BICRAL: variants seen among roughly 807,000 people sequenced by gnomAD.
The protein encoded by BICRAL is BRD4-interacting chromatin-remodeling complex-associated protein-like.
BICRAL carries 8 observed loss-of-function variants against 91.8 expected under a neutral mutation model. The ratio of observed to expected loss-of-function variants is 0.09; its 90% CI spans 0.05 to 0.16. The LOEUF (loss-of-function observed/expected upper bound fraction) is 0.16, where lower values mean the gene tolerates loss of function less well. Among genes scored for constraint, BICRAL ranks in the 10% least tolerant of loss-of-function variants. The pLI is 1.00. For missense variants in BICRAL, 1,038 were observed against 1,310.9 expected, an observed-to-expected ratio of 0.79 and a Z score of 3.21; for synonymous variants, 445 against 491.1, an observed-to-expected ratio of 0.91 and a Z score of 1.24.
intron 6 of BICRAL, among the ~76,000 whole-genome samples, chr6:42,841,649 G>A (rs1317160136): frequency 6.6e-6 from 1 of 152,026 alleles, no homozygotes; most frequent in Admixed American, 6.6e-5. Flanking sequence ...CTCCTTCTAT[G>A]CCTTTAATGA....
chr6:42,806,918 C>T (rs1246169301), intron 1 of BICRAL, among the ~76,000 whole-genome samples: 4 of 152,142 alleles, frequency 2.6e-5, no homozygotes, highest in Admixed American at 2.0e-4. Flanking sequence ...GCAACCTCTG[C>T]CTCCTAGGTT....
chr6:42,768,637 A>AC (rs1486552899), intron 1 of BICRAL, among the ~76,000 whole-genome samples: 4 of 152,228 alleles, frequency 2.6e-5, no homozygotes, highest in Admixed American at 2.0e-4. Context: ...GGGGACTCAG[A>AC]TATCAATCAG....
chr6:42,816,753 G>A (rs554544968), intron 2 of BICRAL, among the ~76,000 whole-genome samples: 11 of 152,184 alleles, frequency 7.2e-5, no homozygotes, highest in Non-Finnish European at 1.5e-4. Flanking sequence ...GGTGGCTCAC[G>A]CCTGTAATCC....
At chr6:42,833,181 G>A (rs1232618350) in intron 6 of BICRAL, among the ~76,000 whole-genome samples, 2 of 150,442 alleles carry the variant, frequency 1.3e-5, no homozygotes, top group Admixed American at 6.7e-5. Flanking sequence ...TCAGCCTCCC[G>A]AGTAGCTGGG....
chr6:42,759,023 C>T (rs571542719), intron 1 of BICRAL, among the ~76,000 whole-genome samples: 1 of 152,212 alleles, frequency 6.6e-6, no homozygotes, highest in Non-Finnish European at 1.5e-5. Context: ...ATTGATATCT[C>T]GTGGAGGCTT....
intron 6 of BICRAL, among the ~76,000 whole-genome samples, chr6:42,843,675 A>G (rs1348848234): frequency 6.6e-6 from 1 of 152,156 alleles, no homozygotes; most frequent in African/African-American, 2.4e-5. Context: ...TACTGAGTTT[A>G]GGGTATGTTC....
chr6:42,847,100 AT>A (rs1765034648), intron 6 of BICRAL, among the ~76,000 whole-genome samples: 1 of 152,162 alleles, frequency 6.6e-6, no homozygotes. Context: ...AAATAGAAAC[AT>A]TAGCCAGGTA....
At chr6:42,755,809 A>G (rs1478505332) in intron 1 of BICRAL, among the ~76,000 whole-genome samples, 1 of 151,752 alleles carries the variant, frequency 6.6e-6, no homozygotes, top group Non-Finnish European at 1.5e-5. Context: ...AGCTGGGATT[A>G]CAGGCGCACG....
chr6:42,753,677 C>T (rs1306432294), intron 1 of BICRAL, among the ~76,000 whole-genome samples: 2 of 151,838 alleles, frequency 1.3e-5, no homozygotes, highest in African/African-American at 2.4e-5. Flanking sequence ...GGTGGCACGA[C>T]CTTGGCTCAG....
chr6:42,811,587 C>G (rs1763845563), intron 2 of BICRAL, among the ~76,000 whole-genome samples: 1 of 151,234 alleles, frequency 6.6e-6, no homozygotes, highest in South Asian at 2.1e-4. Flanking sequence ...CGCCACTGCA[C>G]TCCAGCCTGC....
intron 1 of BICRAL, among the ~76,000 whole-genome samples, chr6:42,797,273 A>G (rs1421924635): frequency 2.0e-5 from 3 of 152,110 alleles, no homozygotes; most frequent in African/African-American, 7.2e-5. Flanking sequence ...AGAGAGGCGG[A>G]CAGTAAGGAG....
At chr6:42,863,807 C>G (rs1462140902) in intron 12 of BICRAL, among the ~76,000 whole-genome samples, 1 of 152,154 alleles carries the variant, frequency 6.6e-6, no homozygotes, top group African/African-American at 2.4e-5. Flanking sequence ...GCGGGTGGAT[C>G]ACCTGAGGTC....
chr6:42,840,213 GTTC>G (rs1764743055), intron 6 of BICRAL, among the ~76,000 whole-genome samples: 1 of 144,626 alleles, frequency 6.9e-6, no homozygotes, highest in African/African-American at 2.7e-5. Context: ...CTTTATTTTT[GTTC>G]TTTTTTGTTT....
chr6:42,753,315 C>T (rs544625668), intron 1 of BICRAL, among the ~76,000 whole-genome samples: 7 of 152,216 alleles, frequency 4.6e-5, no homozygotes, highest in South Asian at 4.1e-4. Context: ...CCTCCTGCCT[C>T]GGCCTTCCAA....
chr6:42,859,975 T>C (rs1057256887), intron 10 of BICRAL, among the ~76,000 whole-genome samples: 7 of 152,156 alleles, frequency 4.6e-5, no homozygotes, highest in African/African-American at 1.2e-4. Context: ...GAGTCTGTTA[T>C]ATGGTTTTAT....
At chr6:42,791,864 A>G (rs1763283047) in intron 1 of BICRAL, among the ~76,000 whole-genome samples, 1 of 152,210 alleles carries the variant, frequency 6.6e-6, no homozygotes. Flanking sequence ...CAAACACCAT[A>G]GAGTGCTCTT....
intron 1 of BICRAL, among the ~76,000 whole-genome samples, chr6:42,782,945 C>G (rs1430518269): frequency 4.1e-5 from 6 of 144,742 alleles, no homozygotes; most frequent in Non-Finnish European, 7.5e-5. Flanking sequence ...CATTTTCTTT[C>G]TTCTCGGCAA....
intron 1 of BICRAL, among the ~76,000 whole-genome samples, chr6:42,788,875 C>G (rs1763183670): frequency 6.6e-6 from 1 of 152,050 alleles, no homozygotes; most frequent in Non-Finnish European, 1.5e-5. Context: ...AACCAGTCAG[C>G]TGAGTTAGTT....
intron 6 of BICRAL, 107 bp downstream of exon 6, chr6:42,830,279 T>C (rs558340755): frequency 6.9e-4 from 868 of 1,256,090 alleles, no homozygotes; most frequent in Non-Finnish European, 9.0e-4. Context: ...TTCTTAAAAA[T>C]TTTAGGCCAG....
Sources: allele counts gnomAD v4.1 joint callset (sites outside exome capture counted in the v4.1 genomes callset), GRCh38; gene constraint gnomAD v4.1.1; transcripts MANE v1.5; gene names NCBI Gene and HGNC (gene_info 2026-07-23, HGNC 2026-07-21).